The following RTF1 variants were observed in gnomAD, a reference collection of about 807,000 sequenced individuals.
The protein encoded by RTF1 is RTF1 homolog, Paf1/RNA polymerase II complex component.
A neutral mutation model predicts 95.7 loss-of-function variants in RTF1; 10 were observed. The ratio of observed to expected loss-of-function variants is 0.10; its 90% CI spans 0.06 to 0.18. RTF1 has a LOEUF of 0.18. RTF1 is among the 10% of genes least tolerant of loss of function. The pLI is 1.00. For synonymous variants in RTF1, 305 were observed against 311.8 expected (o/e 0.98, Z 0.23); for missense variants, 458 against 875.6 (o/e 0.52, Z 6.02).
At chr15:41,461,566 G>C (rs1301794786) in intron 4 of RTF1, among the ~76,000 whole-genome samples, 2 of 150,308 alleles carry the variant, frequency 1.3e-5, no homozygotes, top group Admixed American at 6.7e-5. Context: ...AACCTCGGCT[G>C]ACTGCAAGCT....
chr15:41,438,248 G>T, intron 1 of RTF1, 73 bp from the exon 2 acceptor site: 1 of 987,114 alleles, frequency 1.0e-6, no homozygotes. Flanking sequence ...TCTAGAGAGG[G>T]TGGGCATTTT....
rs1271679997 is a variant in RTF1 at position 41,440,490 on chromosome 15, C to CTTTT, written c.309+2074_309+2077dup. 1.6e-3 allele frequency among the ~76,000 whole-genome samples: 190 copies of CTTTT among 117,932 alleles called. 3 individuals carry two copies. In the East Asian group the frequency reaches 0.038, roughly 23 times the overall value. The allele number at this position is 117,932 out of a possible 152,430, so 77.4% of individuals were successfully genotyped here. ...AGGCGTGAGCCACCGCGCCTGGCCT[C>CTTTT]TTTTTTTTTTTTTTTTTTGAGACAG... On this transcript the variant is annotated intron_variant, in intron 2 of 17. Coordinates refer to ENST00000389629, the MANE Select transcript of RTF1 (RefSeq NM_015138.5).
intron 8 of RTF1, among the ~76,000 whole-genome samples, chr15:41,472,084 A>C (rs2050915082): frequency 6.6e-6 from 1 of 151,850 alleles, no homozygotes; most frequent in South Asian, 2.1e-4. Flanking sequence ...TTTTTAGTAG[A>C]GACGGGGTTT....
intron 4 of RTF1, among the ~76,000 whole-genome samples, chr15:41,460,879 CTT>C (rs765169928): frequency 2.1e-4 from 29 of 135,338 alleles, no homozygotes; most frequent in Admixed American, 3.0e-4. Flanking sequence ...TCTTTTTTTT[CTT>C]TTTTTTTTTT....
rs111403946 is a variant in RTF1, at chr15:41,422,860, C to T, written c.198+5547C>T. Among the ~76,000 whole-genome samples the T allele has an allele frequency of 4.1e-3, 617 of 152,194 alleles. 3 individuals are homozygous for T. Among genetic ancestry groups the T allele is most frequent in the African/African-American group, 0.014 (594 of 41,528 alleles). On this transcript the variant is annotated intron_variant, in intron 1 of 17. Transcript: ENST00000389629. ...GCGCGATCTTGGCTCCTGCAGCCTC[C>T]GCCTCCCGGGTTCAAACAATTCTCT...
intron 1 of RTF1, among the ~76,000 whole-genome samples, chr15:41,427,069 T>TA (rs2050638213): frequency 6.6e-6 from 1 of 150,736 alleles, no homozygotes; most frequent in African/African-American, 2.4e-5. Context: ...CTTGAACTCC[T>TA]GACCTCGTGA....
chr15:41,427,546 G>T (rs1230755558), intron 1 of RTF1, among the ~76,000 whole-genome samples: 2 of 152,032 alleles, frequency 1.3e-5, no homozygotes, highest in Non-Finnish European at 2.9e-5. Flanking sequence ...TGGGTGTAGT[G>T]GTGTGTGCCT....
chr15:41,440,047 G>A (rs2050724659), intron 2 of RTF1, among the ~76,000 whole-genome samples: 1 of 152,082 alleles, frequency 6.6e-6, no homozygotes, highest in Admixed American at 6.5e-5. Context: ...TACAGCCTAG[G>A]AAAATATTTG....
chr15:41,464,827 A>T lies in RTF1; in HGVS notation c.719A>T (p.Lys240Met). The change falls in exon 5 of 18, where the codon AAG becomes ATG. Residue 240 changes from lysine (K) to methionine (M), a missense_variant. Coordinates refer to ENST00000389629, the MANE Select transcript of RTF1 (RefSeq NM_015138.5). ...AAAAAGAAAGAAAAGAAAGAAAAGAAGAAAAAGCAAGAAGAGGAGCAAGAA... is the reference window on the plus strand; with the variant it reads ...AAAAAGAAAGAAAAGAAAGAAAAGATGAAAAAGCAAGAAGAGGAGCAAGAA... ...TAKKKEKKEK[K>M]KKQEEEQEKK... 3 of 1,557,098 alleles carry T rather than the reference A, an allele frequency of 1.9e-6. No individual in the cohort carries two copies. The highest frequency in any genetic ancestry group is 2.6e-6 in the Non-Finnish European group (3 of 1,152,366).
chr15:41,457,069 G>A (rs748323684), intron 3 of RTF1, among the ~76,000 whole-genome samples: 2 of 151,038 alleles, frequency 1.3e-5, no homozygotes, highest in Non-Finnish European at 3.0e-5. Context: ...CTGGGGCAGA[G>A]TGAGACTCCG....
At chr15:41,467,197 A>G (rs143873335) in intron 6 of RTF1, among the ~76,000 whole-genome samples, 40 of 152,276 alleles carry the variant, frequency 2.6e-4, no homozygotes, top group African/African-American at 9.4e-4. Flanking sequence ...TCTCCAAGCT[A>G]TAGGTGGTAG....
intron 4 of RTF1, among the ~76,000 whole-genome samples, chr15:41,460,957 A>G (rs1595435861): frequency 6.7e-6 from 1 of 149,164 alleles, no homozygotes; most frequent in African/African-American, 2.5e-5. Context: ...GCTCACTGCA[A>G]CCTCCGCCTA....
intron 2 of RTF1, among the ~76,000 whole-genome samples, chr15:41,444,998 C>G (rs191685196): frequency 6.6e-6 from 1 of 152,254 alleles, no homozygotes; most frequent in East Asian, 1.9e-4. Flanking sequence ...GTGGCACGAT[C>G]TTGGCTCACT....
At chr15:41,428,459 G>A (rs1439131198) in intron 1 of RTF1, among the ~76,000 whole-genome samples, 32 of 150,978 alleles carry the variant, frequency 2.1e-4, no homozygotes, top group Admixed American at 2.1e-3. Flanking sequence ...TAGTAGAGAC[G>A]GGGTTTCACT....
intron 1 of RTF1, among the ~76,000 whole-genome samples, chr15:41,424,608 T>C (rs536097607): frequency 2.6e-5 from 4 of 152,194 alleles, no homozygotes; most frequent in Non-Finnish European, 5.9e-5. Context: ...ATCAAATGTG[T>C]CATACATAGT....
intron 8 of RTF1, among the ~76,000 whole-genome samples, chr15:41,472,629 A>T (rs1246291249): frequency 1.0e-4 from 15 of 145,848 alleles, no homozygotes; most frequent in Non-Finnish European, 1.8e-4. Flanking sequence ...AGCGATTCTC[A>T]TGCCTCAGCC....
At chr15:41,449,862 A>C (rs2050781557) in intron 2 of RTF1, among the ~76,000 whole-genome samples, 1 of 151,968 alleles carries the variant, frequency 6.6e-6, no homozygotes, top group African/African-American at 2.4e-5. Flanking sequence ...AATATAATGA[A>C]CATTTATTAT....
rs563575607 is a variant in RTF1, at chr15:41,425,811, C to T, written c.198+8498C>T. ...ACTAAAAGGCCTTGAAGACTGAGGACTGATTAGATGTTAGGATGAGAAGAG... is the reference window on the plus strand; with the variant it reads ...ACTAAAAGGCCTTGAAGACTGAGGATTGATTAGATGTTAGGATGAGAAGAG... On this transcript the variant is annotated intron_variant, in intron 1 of 17. Transcript: ENST00000389629. 1.2e-4 allele frequency among the ~76,000 whole-genome samples: 18 copies of T among 152,158 alleles called. No homozygotes were observed. In the South Asian group the frequency reaches 2.1e-3, roughly 18 times the overall value.
intron 6 of RTF1, among the ~76,000 whole-genome samples, chr15:41,468,864 T>A (rs1309872912): frequency 6.6e-6 from 1 of 152,222 alleles, no homozygotes; most frequent in African/African-American, 2.4e-5. Context: ...CAAAGATGAC[T>A]GATGGGTTTT....
Sources: allele counts gnomAD v4.1 joint callset (sites outside exome capture counted in the v4.1 genomes callset), GRCh38; gene constraint gnomAD v4.1.1; transcripts MANE v1.5; gene names NCBI Gene and HGNC (gene_info 2026-07-23, HGNC 2026-07-21).